Variants in FCRL3 observed in about 807,000 individuals in gnomAD.
FCRL3 encodes Fc receptor like 3.
FCRL3 carries 89 observed loss-of-function variants against 75.0 expected under a neutral mutation model. The observed-to-expected ratio is 1.19, with a 90% CI of 1.00 to 1.42. The LOEUF (loss-of-function observed/expected upper bound fraction) is 1.42, where lower values mean the gene tolerates loss of function less well. Among genes scored for constraint, FCRL3 ranks in the 40% most tolerant of loss-of-function variants. FCRL3 has a pLI of 0.00. For synonymous variants in FCRL3, 376 were observed against 348.5 expected, an observed-to-expected ratio of 1.08 and a Z score of -0.88; for missense variants, 946 against 880.0, an observed-to-expected ratio of 1.07 and a Z score of -0.95.
At chr1:157,693,764 C>T (rs114762558) in intron 8 of FCRL3, among the ~76,000 whole-genome samples, 106 of 149,872 alleles carry the variant, frequency 7.1e-4, no homozygotes, top group African/African-American at 2.5e-3. Flanking sequence ...TTCTTCCTTT[C>T]GTTGACATGG....
At chr1:157,698,331 T>A (rs1656093114) in intron 4 of FCRL3, 53 bp downstream of exon 4, 3 of 1,604,738 alleles carry the variant, frequency 1.9e-6, no homozygotes, top group Admixed American at 3.4e-5. Flanking sequence ...AACCCGGCCC[T>A]CAGGCATTCT....
Position 157,689,979 on chromosome 1 carries a change from T to C in FCRL3, c.1691-62A>G, listed in dbSNP as rs141013458. ...CAGGTTTTGGATACAGACAAAATCA[T>C]GCAAGTAGGGTGAGTGTGTTCCAGT... On this transcript the variant is annotated intron_variant, in intron 9 of 14. Transcript: ENST00000368184. 1,485 of 1,604,586 alleles carry C rather than the reference T, an allele frequency of 9.3e-4. 20 individuals are homozygous for C. In the African/African-American group the frequency reaches 0.018, roughly 19 times the overall value.
chr1:157,695,707 T>C lies in FCRL3; in HGVS notation c.1133-100A>G. On this transcript the variant is annotated intron_variant, in intron 7 of 14. Coordinates refer to ENST00000368184, the MANE Select transcript of FCRL3 (RefSeq NM_052939.4). Reference sequence around the variant, plus strand: ...AATGGATATGTCCCTTGTCCCTTGATTGTTTCTGTTTCCCCACTGATCACA... The same window carrying C: ...AATGGATATGTCCCTTGTCCCTTGACTGTTTCTGTTTCCCCACTGATCACA... 3.0e-6 allele frequency: 4 copies of C among 1,339,334 alleles called. No homozygotes were observed. In the South Asian group the frequency reaches 6.1e-5, roughly 20 times the overall value. The allele number at this position is 1,339,334 out of a possible 1,614,324, so 83.0% of individuals were successfully genotyped here.
rs879258382 is a variant in FCRL3 at position 157,679,828 on chromosome 1, C to CAAAAAAAAAAAAAAAAAAAAAAA, written c.2027-856_2027-855insTTTTTTTTTTTTTTTTTTTTTTT. Among the ~76,000 whole-genome samples the CAAAAAAAAAAAAAAAAAAAAAAA allele has an allele frequency of 2.5e-4, 7 of 27,906 alleles. 2 individuals are homozygous for CAAAAAAAAAAAAAAAAAAAAAAA. Among genetic ancestry groups the CAAAAAAAAAAAAAAAAAAAAAAA allele is most frequent in the Non-Finnish European group, 6.3e-4 (7 of 11,050 alleles). 18.3% of individuals were successfully genotyped at this position (27,906 alleles called of 152,430 possible). On this transcript the variant is annotated intron_variant, in intron 13 of 14. Coordinates refer to ENST00000368184, the MANE Select transcript of FCRL3 (RefSeq NM_052939.4). ...TGGGCGACAGAACGAGACCCCATCT[C>CAAAAAAAAAAAAAAAAAAAAAAA]ACAAAAAAAAAAAAAAAAAAAAAAA...
chr1:157,700,523 G>T lies in FCRL3; in HGVS notation c.-34C>A. 3 of 1,613,942 alleles carry T rather than the reference G, an allele frequency of 1.9e-6. No individual in the cohort carries two copies. Among genetic ancestry groups the T allele is most frequent in the Non-Finnish European group, 2.5e-6 (3 of 1,179,940 alleles). ...GCCGGGCAGAGGGTTGGGAAAGTCT[G>T]TCTCACCAAAAGCCCGACTTATCTC... On this transcript the variant is annotated 5_prime_UTR_variant, in exon 2 of 15. Transcript: ENST00000368184.
At chr1:157,698,106 G>A (rs889157924) in intron 4 of FCRL3, 187 bp from the exon 5 acceptor site, 4 of 756,654 alleles carry the variant, frequency 5.3e-6, no homozygotes, top group East Asian at 2.7e-5. Flanking sequence ...CCCAGAAAAT[G>A]TTCTTGAGAA....
rs150879637 is a variant in FCRL3, at chr1:157,695,379, T to A, written c.1361A>T (p.Asp454Val). Residue 454 changes from aspartate (D) to valine (V), a missense_variant, in exon 8 of 15, where the codon GAC becomes GTC. Transcript: ENST00000368184. ...ACTGTGCTGGGCCCCCAGGCCATTG[T>A]CTGCATCACAGGAGTAGTTTCCAGA... is the stretch of plus-strand genomic sequence containing the variant. ...EHSGNYSCDA[D>V]NGLGAQHSHG... The A allele has an allele frequency of 1.2e-6, 2 of 1,614,120 alleles. No homozygotes were observed. Among genetic ancestry groups the A allele is most frequent in the Admixed American group, 1.7e-5 (1 of 60,018 alleles).
At chr1:157,683,125 A>G in intron 11 of FCRL3, 92 bp downstream of exon 11, 1 of 1,398,352 alleles carries the variant, frequency 7.2e-7, no homozygotes, top group South Asian at 1.3e-5. Context: ...GCTACTAGGA[A>G]ATCCATTGAA....
chr1:157,689,915 T>C lies in FCRL3; in HGVS notation c.1693A>G (p.Thr565Ala), dbSNP rs770614231. 6.2e-7 allele frequency: 1 copy of C among 1,614,096 alleles called. No homozygotes were observed. The highest frequency in any genetic ancestry group is 1.1e-5 in the South Asian group (1 of 91,068). The part of the protein sequence containing the change: ...SKVVTLNVTG[T>A]SRNRTGLTAA... ...GTAAGGCCTGTTCTGTTCCTGGAAG[T>C]TCCTGAGTGGAGGGAGCTGTACTTG... Residue 565 changes from threonine (T) to alanine (A), a missense_variant and splice_region_variant, in exon 10 of 15, where the codon ACT (threonine) becomes GCT (alanine). By Grantham distance (58) the Thr-to-Ala change is moderately conservative. Coordinates refer to ENST00000368184, the MANE Select transcript of FCRL3 (RefSeq NM_052939.4).
chr1:157,684,320 A>C (rs950352565), intron 10 of FCRL3, among the ~76,000 whole-genome samples: 2 of 152,162 alleles, frequency 1.3e-5, no homozygotes, highest in Non-Finnish European at 2.9e-5. Flanking sequence ...AGAGAATGCA[A>C]GTCGTTGCTC....
In FCRL3 at chr1:157,677,427, T is replaced by C; in HGVS notation, c.*1283A>G. On this transcript the variant is annotated 3_prime_UTR_variant, in exon 15 of 15. Coordinates refer to ENST00000368184, the MANE Select transcript of FCRL3 (RefSeq NM_052939.4). ...AAGTGAAGGCCTAGAATTGGCAACATTCAGAGATTAATGTTAATATAATCT... is the reference window on the plus strand; with the variant it reads ...AAGTGAAGGCCTAGAATTGGCAACACTCAGAGATTAATGTTAATATAATCT... 1 of 985,534 alleles carries C rather than the reference T, an allele frequency of 1.0e-6. No individual in the cohort carries two copies. Among genetic ancestry groups the C allele is most frequent in the Non-Finnish European group, 1.2e-6 (1 of 829,998 alleles). The allele number at this position is 985,534 out of a possible 1,614,324, so 61.0% of individuals were successfully genotyped here.
chr1:157,692,973 G>A (rs914511003), intron 8 of FCRL3, among the ~76,000 whole-genome samples: 10 of 151,982 alleles, frequency 6.6e-5, no homozygotes, highest in African/African-American at 1.9e-4. Context: ...AAACATGTTC[G>A]ATAGAAATTC....
intron 8 of FCRL3, 75 bp from the exon 9 acceptor site, chr1:157,690,608 A>G (rs1655465171): frequency 6.5e-7 from 1 of 1,536,688 alleles, no homozygotes. Context: ...AGGAATATGC[A>G]GCATAGTTGA....
At chr1:157,690,008 T>G (rs1655414730) in intron 9 of FCRL3, 91 bp from the exon 10 acceptor site, 1 of 1,553,204 alleles carries the variant, frequency 6.4e-7, no homozygotes, top group African/African-American at 1.4e-5. Flanking sequence ...TTCCAGTTTC[T>G]GATTCCTCCT....
intron 2 of FCRL3, 133 bp downstream of exon 2, chr1:157,700,326 G>T: frequency 7.3e-7 from 1 of 1,372,746 alleles, no homozygotes. Context: ...AGGGAACCCA[G>T]CTCTGCTCAC....
chr1:157,683,912 A>G (rs1452605215), intron 10 of FCRL3, among the ~76,000 whole-genome samples: 1 of 152,158 alleles, frequency 6.6e-6, no homozygotes, highest in Non-Finnish European at 1.5e-5. Context: ...TATTAAAATT[A>G]CTATATTGTT....
rs16838952 is a variant in FCRL3, at chr1:157,678,488, T to C, written c.*222A>G. Reference sequence around the variant, plus strand: ...CTCCTGCCTTGCCACGTGTCTCCACTGTGAAAATAACACAGTGCTTGCTCA... The same window carrying C: ...CTCCTGCCTTGCCACGTGTCTCCACCGTGAAAATAACACAGTGCTTGCTCA... On this transcript the variant is annotated 3_prime_UTR_variant, in exon 15 of 15. Coordinates refer to ENST00000368184, the MANE Select transcript of FCRL3 (RefSeq NM_052939.4). 9,868 of 1,394,488 alleles carry C rather than the reference T, an allele frequency of 7.1e-3. 579 individuals carry two copies. In the African/African-American group the frequency reaches 0.13, roughly 18 times the overall value. The allele number at this position is 1,394,488 out of a possible 1,614,324, so 86.4% of individuals were successfully genotyped here.
At chr1:157,696,658 C>A (rs374743633) in intron 6 of FCRL3, 6 of 324,516 alleles carry the variant, frequency 1.8e-5, no homozygotes, top group African/African-American at 1.3e-4. Flanking sequence ...TGGAGATCCT[C>A]TGTTTTGAAG....
chr1:157,683,666 A>G (rs932018229), intron 10 of FCRL3, among the ~76,000 whole-genome samples: 1 of 152,146 alleles, frequency 6.6e-6, no homozygotes, highest in Non-Finnish European at 1.5e-5. Context: ...ATATGAATCA[A>G]TGGGACTACC....
Sources: allele counts gnomAD v4.1 joint callset (sites outside exome capture counted in the v4.1 genomes callset), GRCh38; gene constraint gnomAD v4.1.1; transcripts MANE v1.5; gene names NCBI Gene and HGNC (gene_info 2026-07-23, HGNC 2026-07-21).